TCF7: variants seen among roughly 807,000 people sequenced by gnomAD.
TCF7 encodes the protein T-cell-factor-7.
Under a neutral mutation model 46.8 loss-of-function variants are expected in TCF7, and 19 were observed. The observed-to-expected ratio is 0.41, with a 90% CI of 0.28 to 0.60. TCF7 has a LOEUF of 0.60. Among genes scored for constraint, TCF7 ranks in the 20% least tolerant of loss-of-function variants. TCF7 has a pLI of 0.35. For synonymous variants in TCF7, 245 were observed against 213.4 expected, an observed-to-expected ratio of 1.15 and a Z score of -1.29; for missense variants, 547 against 504.6, an observed-to-expected ratio of 1.08 and a Z score of -0.81.
chr5:134,112,787 G>GAAAAC (rs1029893659), upstream of TCF7, among the ~76,000 whole-genome samples: 11 of 152,154 alleles, frequency 7.2e-5, no homozygotes, highest in African/African-American at 1.9e-4. Flanking sequence ...ACCTTATTGA[G>GAAAAC]AAAACAAAAC....
chr5:134,118,633 G>A (rs1364438541), intron 3 of TCF7, among the ~76,000 whole-genome samples: 1 of 152,050 alleles, frequency 6.6e-6, no homozygotes, highest in African/African-American at 2.4e-5. Context: ...CTTCTTTTTG[G>A]TAGTTGGCTT....
chr5:134,116,819 A>C (rs1340902400), intron 3 of TCF7, among the ~76,000 whole-genome samples: 3 of 152,242 alleles, frequency 2.0e-5, no homozygotes, highest in Non-Finnish European at 4.4e-5. Flanking sequence ...CTTTTAAAGA[A>C]ATTCCTATTC....
chr5:134,121,742 C>T (rs1047250770), intron 3 of TCF7, among the ~76,000 whole-genome samples: 8 of 152,184 alleles, frequency 5.3e-5, no homozygotes, highest in Non-Finnish European at 1.0e-4. Flanking sequence ...TCCCGGGCTG[C>T]CTTCTTTCCC....
chr5:134,109,367 C>G, the TCF7 span, among the ~76,000 whole-genome samples: 2 of 152,164 alleles, frequency 1.3e-5, no homozygotes, highest in African/African-American at 4.8e-5. Flanking sequence ...AGGTGACCCC[C>G]ACATGAACAC....
At chr5:134,143,725 C>A in intron 9 of TCF7, 85 bp downstream of exon 9, 2 of 1,540,868 alleles carry the variant, frequency 1.3e-6, no homozygotes, top group South Asian at 1.1e-5. Context: ...AAGGGAGGAA[C>A]GCGGTACCCA....
chr5:134,127,599 G>A (rs1757507918), intron 3 of TCF7, among the ~76,000 whole-genome samples: 1 of 152,224 alleles, frequency 6.6e-6, no homozygotes, highest in South Asian at 2.1e-4. Context: ...GGCAGCTGAG[G>A]GAGTCTCAGG....
At position 134,120,682 on chromosome 5, in the gene TCF7, T is replaced by G. The variant is rs993980012; in HGVS notation, c.441+4649T>G. 1.1e-4 allele frequency among the ~76,000 whole-genome samples: 17 copies of G among 152,178 alleles called. 1 individual carries two copies. The highest frequency in any genetic ancestry group is 2.9e-4 in the African/African-American group (12 of 41,442). ...TCAGATGTCTCTGCCTCAGGGAGCC[T>G]CCTCTGACCATTCCCAGTAGGACCC... is the stretch of plus-strand genomic sequence containing the variant. On this transcript the variant is annotated intron_variant, in intron 3 of 9. Transcript: ENST00000342854.
In TCF7 at chr5:134,142,732, C is replaced by G. The variant is rs761462347; in HGVS notation, c.767C>G (p.Ala256Gly). The change falls in exon 7 of 10, where the codon GCA (alanine) becomes GGA (glycine). Residue 256 changes from alanine (A) to glycine (G), a missense_variant. Ala to Gly is a moderately conservative substitution (Grantham distance 60, BLOSUM62 0). Transcript: ENST00000342854. ...QPFDRNLKTQ[A>G]ESKAEKEAKK... is the part of the protein sequence containing the mutation. ...TTTGTGCCCCTCAGGAAGACACAAG[C>G]AGAGTCCAAGGCAGAGAAGGAGGCC... 1 of 1,613,994 alleles carries G rather than the reference C, an allele frequency of 6.2e-7. No individual in the cohort carries two copies. The highest frequency in any genetic ancestry group is 8.5e-7 in the Non-Finnish European group (1 of 1,179,944).
At chr5:134,124,332 T>C (rs1757035324) in intron 3 of TCF7, among the ~76,000 whole-genome samples, 2 of 152,238 alleles carry the variant, frequency 1.3e-5, no homozygotes, top group South Asian at 4.1e-4. Context: ...CTTCTGCTGC[T>C]GCACACAAGC....
Position 134,138,067 on chromosome 5 carries a change from C to G in TCF7, c.450C>G (p.Ala150=). Residue 150 remains alanine, a synonymous_variant, in exon 4 of 10, where the codon GCC becomes GCG. Coordinates refer to ENST00000342854, the MANE Select transcript of TCF7 (RefSeq NM_003202.5). ...TCCTTCTCATTTTTCAGCACAAGGC[C>G]AATCAGCCCCCCCACGGTGTCCCCC... ...HPQPQPPLHK[A]NQPPHGVPQL... is the part of the protein sequence containing the mutation. 2 of 1,600,546 alleles carry G rather than the reference C, an allele frequency of 1.2e-6. No homozygotes were observed. Among genetic ancestry groups the G allele is most frequent in the Non-Finnish European group, 1.7e-6 (2 of 1,172,446 alleles).
chr5:134,139,208 T>TACATGAGGACC, intron 5 of TCF7, 170 bp downstream of exon 5: 1 of 1,033,340 alleles, frequency 9.7e-7, no homozygotes, highest in Non-Finnish European at 1.4e-6. Flanking sequence ...GAGCTAGGGG[T>TACATGAGGACC]CCTCATGTAC....
rs142843101 is a variant in TCF7, at chr5:134,146,352, T to A, written c.*49T>A. 1 of 1,605,362 alleles carries A rather than the reference T, an allele frequency of 6.2e-7. No homozygotes were observed. Among genetic ancestry groups the A allele is most frequent in the Non-Finnish European group, 8.5e-7 (1 of 1,172,072 alleles). On this transcript the variant is annotated 3_prime_UTR_variant, in exon 10 of 10. Transcript: ENST00000342854. ...CAGGACTCACCCTCATACCATCTGC[T>A]GCCCCGCTTCCCCACAGAACTGCTT...
At chr5:134,128,089 G>A (rs1013228999) in intron 3 of TCF7, among the ~76,000 whole-genome samples, 2 of 152,146 alleles carry the variant, frequency 1.3e-5, no homozygotes, top group Non-Finnish European at 2.9e-5. Flanking sequence ...CTCGGCGTTC[G>A]CTGTCCCTCC....
chr5:134,123,877 C>T (rs540754790), intron 3 of TCF7: 11 of 454,514 alleles, frequency 2.4e-5, no homozygotes, highest in Non-Finnish European at 4.0e-5. Context: ...GGGAGGAACT[C>T]GAACAGAGCC....
At chr5:134,109,053 G>A in the TCF7 span, among the ~76,000 whole-genome samples, 1 of 152,178 alleles carries the variant, frequency 6.6e-6, no homozygotes, top group Non-Finnish European at 1.5e-5. Context: ...TCTTCCACAA[G>A]ATGGTGAGTT....
At chr5:134,135,828 A>G (rs1275137417) in intron 3 of TCF7, among the ~76,000 whole-genome samples, 1 of 152,248 alleles carries the variant, frequency 6.6e-6, no homozygotes, top group Non-Finnish European at 1.5e-5. Flanking sequence ...AGCCAGAAAC[A>G]AGGTCAGGAA....
intron 3 of TCF7, among the ~76,000 whole-genome samples, chr5:134,137,442 A>AC (rs1759052615): frequency 1.3e-5 from 2 of 151,356 alleles, no homozygotes; most frequent in African/African-American, 4.8e-5. Context: ...AAAAAAAAAA[A>AC]AAAAACAGAG....
At chr5:134,115,705 G>T in intron 2 of TCF7, 1 of 1,432,508 alleles carries the variant, frequency 7.0e-7, no homozygotes, top group Non-Finnish European at 9.1e-7. Flanking sequence ...GGGGTGGGAG[G>T]TCAAGTAGGG....
In TCF7 at chr5:134,146,987, A is replaced by AGAT. The variant is rs1423011505; in HGVS notation, c.*687_*689dup. ...AGCATGGTCACAAGCACAAAGCTCA[A>AGAT]GATGACAGCTCTTCTAAGGAAATGG... On this transcript the variant is annotated 3_prime_UTR_variant, in exon 10 of 10. Transcript: ENST00000342854. The AGAT allele has an allele frequency of 3.6e-5, 6 of 168,012 alleles. No individual in the cohort carries two copies. Among genetic ancestry groups the AGAT allele is most frequent in the African/African-American group, 1.4e-4 (6 of 41,784 alleles). 10.4% of individuals were successfully genotyped at this position (168,012 alleles called of 1,614,324 possible).
Sources: gnomAD v4.1 joint callset for allele counts (sites outside exome capture counted in the v4.1 genomes callset) on GRCh38, gnomAD v4.1.1 for gene constraint, MANE v1.5 for transcripts, NCBI Gene and HGNC (gene_info 2026-07-23, HGNC 2026-07-21) for gene names.